JARID2: variants seen among roughly 807,000 people sequenced by gnomAD.
JARID2 encodes protein Jumonji.
In JARID2, 21 loss-of-function variants were observed where a neutral mutation model predicts 125.6. That is an observed-to-expected ratio of 0.17 (90% CI 0.12 to 0.24). The LOEUF (loss-of-function observed/expected upper bound fraction) is 0.24, where lower values mean the gene tolerates loss of function less well. Among genes scored for constraint, JARID2 ranks in the 10% least tolerant of loss-of-function variants. The pLI is 1.00. For synonymous variants in JARID2, 736 were observed against 661.6 expected (o/e 1.11, Z -1.73); for missense variants, 1,303 against 1,639.6 (o/e 0.79, Z 3.55).
At chr6:15,384,589 CTATT>C (rs34448705) in intron 2 of JARID2, among the ~76,000 whole-genome samples, 14,317 of 151,892 alleles carry the variant, frequency 0.094, 828 homozygotes, top group Middle Eastern at 0.17. Context: ...ACCTGTTTTA[CTATT>C]TATTTATTTA....
At chr6:15,410,888 T>C (rs1765847827) in intron 3 of JARID2, among the ~76,000 whole-genome samples, 1 of 152,232 alleles carries the variant, frequency 6.6e-6, no homozygotes, top group Non-Finnish European at 1.5e-5. Flanking sequence ...GCAGTTATTT[T>C]TATGTGGCTT....
chr6:15,416,033 T>C (rs1457345290), intron 3 of JARID2, among the ~76,000 whole-genome samples: 7 of 147,562 alleles, frequency 4.7e-5, no homozygotes, highest in Non-Finnish European at 1.0e-4. Flanking sequence ...GTAGAGGCGC[T>C]CCTCACATCC....
intron 17 of JARID2, 45 bp from the exon 18 acceptor site, chr6:15,520,024 G>A (rs1286036631): frequency 2.6e-6 from 4 of 1,547,374 alleles, no homozygotes; most frequent in Middle Eastern, 1.7e-4. Flanking sequence ...CAGAGCTCTT[G>A]TTAATACGGT....
chr6:15,352,070 C>G (rs1318114894), intron 1 of JARID2, among the ~76,000 whole-genome samples: 1 of 152,078 alleles, frequency 6.6e-6, no homozygotes, highest in Admixed American at 6.6e-5. Flanking sequence ...TAATAGTTCT[C>G]CCTCTTTTCT....
At chr6:15,409,004 T>C (rs1765765635) in intron 2 of JARID2, among the ~76,000 whole-genome samples, 1 of 152,224 alleles carries the variant, frequency 6.6e-6, no homozygotes. Context: ...CCTCATGTTA[T>C]CACTCATACT....
At chr6:15,431,482 A>C (rs1054961213) in intron 3 of JARID2, among the ~76,000 whole-genome samples, 3 of 152,184 alleles carry the variant, frequency 2.0e-5, no homozygotes, top group African/African-American at 7.2e-5. Context: ...TAATTCTGAC[A>C]AACACCTTGA....
At chr6:15,487,260 A>G (rs1561896819) in intron 5 of JARID2, 47 bp from the exon 6 acceptor site, 4 of 1,495,162 alleles carry the variant, frequency 2.7e-6, no homozygotes, top group South Asian at 1.2e-5. Flanking sequence ...TTTGCGTGGT[A>G]GTGGTCAAGG....
At chr6:15,414,544 C>CT (rs78626319) in intron 3 of JARID2, among the ~76,000 whole-genome samples, 1 of 151,186 alleles carries the variant, frequency 6.6e-6, no homozygotes, top group East Asian at 2.0e-4. Context: ...AACTCAAAAC[C>CT]GGTATATTTT....
intron 2 of JARID2, among the ~76,000 whole-genome samples, chr6:15,405,733 C>T (rs1765622923): frequency 6.6e-6 from 1 of 152,188 alleles, no homozygotes; most frequent in Non-Finnish European, 1.5e-5. Flanking sequence ...GATGCCATTT[C>T]ATTATTTCTC....
rs1363919090 is a variant in JARID2, at chr6:15,246,217, AAAG to A, written c.-322_-320del. 2.1e-6 allele frequency: 1 copy of A among 469,984 alleles called. No homozygotes were observed. The highest frequency in any genetic ancestry group is 2.0e-5 in the African/African-American group (1 of 49,032). 29.1% of individuals were successfully genotyped at this position (469,984 alleles called of 1,614,324 possible). Reference sequence around the variant, plus strand: ...TTCGCTGATGTAGTTTTTGGAGGAAAAAGGGGGGGGAGTGAAGGGCGTCGGTTT... The same window carrying A: ...TTCGCTGATGTAGTTTTTGGAGGAAAGGGGGGGAGTGAAGGGCGTCGGTTT... On this transcript the variant is annotated 5_prime_UTR_variant, in exon 1 of 18. Coordinates refer to ENST00000341776, the MANE Select transcript of JARID2 (RefSeq NM_004973.4).
At chr6:15,278,853 G>A (rs1214567090) in intron 1 of JARID2, among the ~76,000 whole-genome samples, 2 of 152,208 alleles carry the variant, frequency 1.3e-5, no homozygotes, top group Non-Finnish European at 2.9e-5. Context: ...CAGATCACTT[G>A]AGGTCAGGCG....
At chr6:15,356,934 A>G (rs531524714) in intron 1 of JARID2, among the ~76,000 whole-genome samples, 4 of 117,392 alleles carry the variant, frequency 3.4e-5, no homozygotes, top group Non-Finnish European at 7.2e-5. Flanking sequence ...GTATCACTTG[A>G]GCCCGGGAGG....
intron 3 of JARID2, among the ~76,000 whole-genome samples, chr6:15,418,639 T>G (rs1466090487): frequency 6.6e-6 from 1 of 152,250 alleles, no homozygotes; most frequent in Non-Finnish European, 1.5e-5. Context: ...GATGTAACTT[T>G]TTTGTTAAAC....
chr6:15,311,199 C>T (rs145016749), intron 1 of JARID2, among the ~76,000 whole-genome samples: 5 of 152,168 alleles, frequency 3.3e-5, no homozygotes, highest in Non-Finnish European at 4.4e-5. Context: ...TCCAGTAACC[C>T]CTAGCAGTGC....
At chr6:15,266,324 A>G (rs919823947) in intron 1 of JARID2, among the ~76,000 whole-genome samples, 22 of 152,228 alleles carry the variant, frequency 1.4e-4, no homozygotes, top group Non-Finnish European at 2.8e-4. Flanking sequence ...AACAGAGAGC[A>G]AACAACATAA....
At chr6:15,372,602 C>T (rs1045168589) in intron 1 of JARID2, among the ~76,000 whole-genome samples, 5 of 152,140 alleles carry the variant, frequency 3.3e-5, no homozygotes, top group South Asian at 4.1e-4. Flanking sequence ...GATCCGTCCG[C>T]CTTGTCCTCT....
chr6:15,367,891 C>T (rs772178148), intron 1 of JARID2, among the ~76,000 whole-genome samples: 1 of 152,188 alleles, frequency 6.6e-6, no homozygotes, highest in Admixed American at 6.5e-5. Context: ...GGGTGGCACC[C>T]ATTCTGCGAG....
At chr6:15,517,327 G>A in intron 17 of JARID2, 59 bp downstream of exon 17, 1 of 1,211,398 alleles carries the variant, frequency 8.3e-7, no homozygotes, top group Non-Finnish European at 1.2e-6. Context: ...CCTGCTCCCG[G>A]CTGGATGTAG....
At chr6:15,436,817 T>C (rs1767225323) in intron 3 of JARID2, among the ~76,000 whole-genome samples, 1 of 152,032 alleles carries the variant, frequency 6.6e-6, no homozygotes, top group Non-Finnish European at 1.5e-5. Context: ...TTGTGATTTT[T>C]TTTTTCCCCC....
Sources: allele counts gnomAD v4.1 joint callset (sites outside exome capture counted in the v4.1 genomes callset), GRCh38; gene constraint gnomAD v4.1.1; transcripts MANE v1.5; gene names NCBI Gene and HGNC (gene_info 2026-07-23, HGNC 2026-07-21).